The following RIC3 variants were observed in gnomAD, a reference collection of about 807,000 sequenced individuals.
RIC3 encodes the protein RIC3 acetylcholine receptor chaperone.
RIC3 carries 28 observed loss-of-function variants against 27.3 expected under a neutral mutation model. The observed-to-expected ratio is 1.02, with a 90% confidence interval of 0.76 to 1.41. The LOEUF is 1.41. Ranked by LOEUF, RIC3 falls within the 40% of genes most tolerant of loss-of-function variation. The pLI is 0.00. For missense variants in RIC3, 501 were observed against 444.7 expected, an observed-to-expected ratio of 1.13 and a Z score of -1.14; for synonymous variants, 184 against 160.4, an observed-to-expected ratio of 1.15 and a Z score of -1.11.
At chr11:8,097,840 C>T in the RIC3 span, 2 of 1,608,150 alleles carry the variant, frequency 1.2e-6, no homozygotes, top group East Asian at 4.5e-5. Context: ...CTAGCATTCC[C>T]CCAGGAAGCA....
downstream of RIC3, chr11:8,102,016 G>A (rs1944329037): frequency 4.8e-6 from 1 of 210,008 alleles, no homozygotes; most frequent in Non-Finnish European, 9.6e-6. Flanking sequence ...CTCAGCCAAG[G>A]AGTCAGATGG....
intron 5 of RIC3, 86 bp from the exon 6 acceptor site, chr11:8,111,223 G>A (rs1176559655): frequency 2.1e-6 from 2 of 971,644 alleles, no homozygotes; most frequent in South Asian, 3.4e-5. Context: ...AGGATTCTCA[G>A]GCAGCAGCCA....
intron 1 of RIC3, 73 bp downstream of exon 1, chr11:8,168,793 C>A (rs1256626006): frequency 1.3e-6 from 2 of 1,542,466 alleles, no homozygotes; most frequent in African/African-American, 1.4e-5. Context: ...CTCTCAGAGT[C>A]ACCCCTCCCT....
In RIC3 at chr11:8,123,684, A is replaced by G. The variant is rs187753600; in HGVS notation, c.670+2975T>C. Among the ~76,000 whole-genome samples the G allele has an allele frequency of 3.2e-4, 49 of 152,210 alleles. No homozygotes were observed. In the East Asian group the frequency reaches 8.2e-3, roughly 25 times the overall value. ...CTATCAAAAGTTCACTCAAGAAGTG[A>G]ATGAACGAATAGCACTATATCCATA... is the stretch of plus-strand genomic sequence containing the variant. On this transcript the variant is annotated intron_variant, in intron 5 of 5. Coordinates refer to ENST00000309737, the MANE Select transcript of RIC3 (RefSeq NM_001206671.4).
Position 8,137,488 on chromosome 11 carries a change from A to G in RIC3, c.428-17T>C. 1 of 1,608,330 alleles carries G rather than the reference A, an allele frequency of 6.2e-7. No homozygotes were observed. The highest frequency in any genetic ancestry group is 8.5e-7 in the Non-Finnish European group (1 of 1,175,468). ...CAAAACTGGCTAAAAAATAAGCAAC[A>G]ATCTAAGAACCATCAGAGACAACTC... On this transcript the variant is annotated splice_polypyrimidine_tract_variant and intron_variant, in intron 3 of 5. Coordinates refer to ENST00000309737, the MANE Select transcript of RIC3 (RefSeq NM_001206671.4).
At chr11:8,160,171 GA>G (rs1422993260) in intron 1 of RIC3, among the ~76,000 whole-genome samples, 1 of 152,092 alleles carries the variant, frequency 6.6e-6, no homozygotes, top group Non-Finnish European at 1.5e-5. Context: ...TGTTTTTAGA[GA>G]TGCATACTGA....
At chr11:8,128,725 A>G (rs1169771912) in intron 4 of RIC3, among the ~76,000 whole-genome samples, 1 of 132,510 alleles carries the variant, frequency 7.5e-6, no homozygotes, top group Admixed American at 7.5e-5. Flanking sequence ...ATTCCGTTCT[A>G]TCATTTTATG....
chr11:8,120,402 A>G (rs1349760915), intron 5 of RIC3, among the ~76,000 whole-genome samples: 2 of 152,196 alleles, frequency 1.3e-5, no homozygotes, highest in Non-Finnish European at 2.9e-5. Context: ...GACATGGATG[A>G]AGCTGGAAAC....
intron 4 of RIC3, among the ~76,000 whole-genome samples, chr11:8,127,044 G>A (rs556037042): frequency 1.3e-5 from 2 of 152,284 alleles, no homozygotes; most frequent in East Asian, 1.9e-4. Flanking sequence ...CCAAGGTCCC[G>A]AAATTAGTTA....
chr11:8,165,666 T>C, intron 1 of RIC3, among the ~76,000 whole-genome samples: 1 of 150,242 alleles, frequency 6.7e-6, no homozygotes, highest in East Asian at 1.9e-4. Flanking sequence ...ACACTTTAAG[T>C]GGGTGAATTG....
rs1360108502 is a variant in RIC3, at chr11:8,109,658, T to C, written c.*1040A>G. The C allele has an allele frequency of 6.6e-6, 1 of 152,210 alleles. No homozygotes were observed. The highest frequency in any genetic ancestry group is 1.9e-4 in the East Asian group (1 of 5,200). 9.4% of individuals were successfully genotyped at this position (152,210 alleles called of 1,614,324 possible). ...CAAGATCAGTCCTCATTTGTTTCAA[T>C]TTATGGTTCTGAGAAGAAATTTCTC... On this transcript the variant is annotated 3_prime_UTR_variant, in exon 6 of 6. Coordinates refer to ENST00000309737, the MANE Select transcript of RIC3 (RefSeq NM_001206671.4).
At chr11:8,128,170 A>C in intron 4 of RIC3, 1 of 457,162 alleles carries the variant, frequency 2.2e-6, no homozygotes. Flanking sequence ...CTTACTGTTA[A>C]AACAACCCAC....
rs924857479 is a variant in RIC3, at chr11:8,140,006, A to G, written c.312T>C (p.Gly104=). 2 of 1,613,878 alleles carry G rather than the reference A, an allele frequency of 1.2e-6. No individual in the cohort carries two copies. The highest frequency in any genetic ancestry group is 1.7e-6 in the Non-Finnish European group (2 of 1,180,010). Residue 104 remains glycine, a synonymous_variant, in exon 2 of 6, where the codon GGT becomes GGC. Transcript: ENST00000309737. ...GLMGQIIPIY[G]FGIFLYILYI... ...ACAGTATATATAAAAAAATCCCAAA[A>G]CCGTAGATTGGAATAATCTGCCCCA...
At chr11:8,168,576 A>C (rs899735895) in intron 1 of RIC3, among the ~76,000 whole-genome samples, 2 of 152,190 alleles carry the variant, frequency 1.3e-5, no homozygotes, top group African/African-American at 4.8e-5. Flanking sequence ...GCGGGGTAAG[A>C]GAGAAGGGAC....
At chr11:8,149,024 C>CA (rs34536745) in intron 1 of RIC3, among the ~76,000 whole-genome samples, 19,652 of 96,134 alleles carry the variant, frequency 0.2, 2,859 homozygotes, top group African/African-American at 0.41. Flanking sequence ...ACTAAAAATA[C>CA]AAAAAAAAAA....
In RIC3 at chr11:8,162,629, C is replaced by CTT. The variant is rs757717970; in HGVS notation, c.124+6235_124+6236dup. Among the ~76,000 whole-genome samples, 658 of 83,766 alleles carry CTT rather than the reference C, an allele frequency of 7.9e-3. 49 individuals carry two copies. Among genetic ancestry groups the CTT allele is most frequent in the East Asian group, 0.027 (64 of 2,400 alleles). 55.0% of individuals were successfully genotyped at this position (83,766 alleles called of 152,430 possible). On this transcript the variant is annotated intron_variant, in intron 1 of 5. Transcript: ENST00000309737. The stretch of plus-strand genomic sequence containing the variant: ...GATACTTCAAGGCTCCATGCTTCTT[C>CTT]TTTTTTTTTTTTTTTTTTTTTTTTT...
chr11:8,157,908 T>A (rs1176929943), intron 1 of RIC3, among the ~76,000 whole-genome samples: 3 of 152,318 alleles, frequency 2.0e-5, no homozygotes, highest in African/African-American at 4.8e-5. Flanking sequence ...AATTGTCTGT[T>A]GTTTTCTGTT....
rs1295803463 is a variant in RIC3 at position 8,139,913 on chromosome 11, T to A, written c.351+54A>T. ...AAGTTTTAATGTAGACAATGATTTT[T>A]ATTGCCATATTAGATTTTCATTGAT... On this transcript the variant is annotated intron_variant, in intron 2 of 5. Transcript: ENST00000309737. The A allele has an allele frequency of 2.1e-6, 3 of 1,462,166 alleles. No homozygotes were observed. The South Asian group carries it at 3.6e-5, about 18-fold the overall frequency. 90.6% of individuals were successfully genotyped at this position (1,462,166 alleles called of 1,614,324 possible).
chr11:8,104,334 A>G (rs1385345028), downstream of RIC3: 1 of 152,228 alleles, frequency 6.6e-6, no homozygotes, highest in African/African-American at 2.4e-5. Context: ...CCCCAGAACA[A>G]TTCTGCAGAG....
Sources: allele counts gnomAD v4.1 joint callset (sites outside exome capture counted in the v4.1 genomes callset), GRCh38; gene constraint gnomAD v4.1.1; transcripts MANE v1.5; gene names NCBI Gene and HGNC (gene_info 2026-07-23, HGNC 2026-07-21).